The following PLB1 variants were observed in gnomAD, a reference collection of about 807,000 sequenced individuals.
The protein encoded by PLB1 is phospholipase B1, membrane-associated.
A neutral mutation model predicts 227.4 loss-of-function variants in PLB1; 242 were observed. The ratio of observed to expected loss-of-function variants is 1.06; its 90% CI spans 0.96 to 1.18. The LOEUF (loss-of-function observed/expected upper bound fraction) is 1.18. Ranked by LOEUF, PLB1 falls within the 50% of genes most tolerant of loss-of-function variation. The pLI, the probability that PLB1 is intolerant of heterozygous loss-of-function variation, is 0.00. For missense variants in PLB1, 1,858 were observed against 1,816.3 expected (o/e 1.02, Z -0.42); for synonymous variants, 757 against 682.2 (o/e 1.11, Z -1.71).
intron 1 of PLB1, among the ~76,000 whole-genome samples, chr2:28,507,428 C>T (rs552893554): frequency 1.3e-4 from 20 of 152,182 alleles, no homozygotes; most frequent in East Asian, 7.7e-4. Flanking sequence ...AATGAGGGTA[C>T]GACAGAGACA....
chr2:28,536,753 T>C (rs1305636204), intron 9 of PLB1, among the ~76,000 whole-genome samples: 1 of 152,178 alleles, frequency 6.6e-6, no homozygotes, highest in Non-Finnish European at 1.5e-5. Context: ...TGTATGACCT[T>C]ATAGAGGAGG....
Position 28,578,137 on chromosome 2 carries a change from G to A in PLB1, c.1464G>A (p.Val488=), listed in dbSNP as rs1365714404. The A allele has an allele frequency of 1.9e-6, 3 of 1,614,160 alleles. No homozygotes were observed. The highest frequency in any genetic ancestry group is 1.1e-5 in the South Asian group (1 of 91,070). Residue 488 remains valine, a synonymous_variant, in exon 22 of 58, where the codon GTG becomes GTA. Coordinates refer to ENST00000327757, the MANE Select transcript of PLB1 (RefSeq NM_153021.5). ...TACCTGTCCAGGCCAGGAGGCTGGT[G>A]GACCTGATGAAGAATGACACGGTGG... ...EDLPVQARRL[V]DLMKNDTRIH...
chr2:28,513,646 C>T (rs1366247595), intron 1 of PLB1, among the ~76,000 whole-genome samples: 1 of 152,210 alleles, frequency 6.6e-6, no homozygotes, highest in South Asian at 2.1e-4. Context: ...TAATTTTGAA[C>T]AGACACTTGC....
At chr2:28,558,409 A>C (rs575340253) in intron 17 of PLB1, among the ~76,000 whole-genome samples, 1 of 152,334 alleles carries the variant, frequency 6.6e-6, no homozygotes, top group African/African-American at 2.4e-5. Flanking sequence ...TGTTATCACC[A>C]GAAGCTAAAA....
At chr2:28,609,720 C>G (rs1238691305) in intron 43 of PLB1, among the ~76,000 whole-genome samples, 1 of 121,948 alleles carries the variant, frequency 8.2e-6, no homozygotes, top group East Asian at 8.7e-4. Flanking sequence ...TCTTCCCAAA[C>G]TCTCTGTTCC....
At chr2:28,636,018 A>C (rs2338548) in intron 56 of PLB1, among the ~76,000 whole-genome samples, 1 of 53,956 alleles carries the variant, frequency 1.9e-5, no homozygotes, top group Admixed American at 2.4e-4. Flanking sequence ...TGTATGTATG[A>C]ATGTGTGTGT....
chr2:28,515,226 C>A (rs1380864923), intron 1 of PLB1, among the ~76,000 whole-genome samples: 2 of 152,256 alleles, frequency 1.3e-5, no homozygotes, highest in Admixed American at 6.5e-5. Context: ...TATTCCACTC[C>A]CCCTGGAGTG....
intron 1 of PLB1, among the ~76,000 whole-genome samples, chr2:28,515,350 T>TC (rs538527928): frequency 6.6e-6 from 1 of 152,066 alleles, no homozygotes; most frequent in Non-Finnish European, 1.5e-5. Context: ...TGCAGCCTCA[T>TC]CCCCCCTGCC....
chr2:28,572,015 C>A (rs186221507), intron 20 of PLB1, among the ~76,000 whole-genome samples: 15 of 152,260 alleles, frequency 9.9e-5, no homozygotes, highest in African/African-American at 3.6e-4. Context: ...ACTTGCCAAT[C>A]CTATATCTAA....
chr2:28,542,154 G>T (rs1292259309), intron 13 of PLB1, among the ~76,000 whole-genome samples: 6 of 147,430 alleles, frequency 4.1e-5, no homozygotes, highest in African/African-American at 1.5e-4. Context: ...AAAAAAGTGT[G>T]AAGAGTGTGG....
rs767165470 is a variant in PLB1 at position 28,617,792 on chromosome 2, G to A, written c.3256+5G>A. 1.2e-6 allele frequency: 2 copies of A among 1,612,958 alleles called. No individual in the cohort carries two copies. The highest frequency in any genetic ancestry group is 1.7e-5 in the Admixed American group (1 of 60,038). On this transcript the variant is annotated splice_donor_5th_base_variant and intron_variant, in intron 45 of 57. Coordinates refer to ENST00000327757, the MANE Select transcript of PLB1 (RefSeq NM_153021.5). ...CCAATAGTGTTCCAACCTCTGGTGAGTGAAAACATCATCATCTCCTTCAAT... is the reference window on the plus strand; with the variant it reads ...CCAATAGTGTTCCAACCTCTGGTGAATGAAAACATCATCATCTCCTTCAAT...
chr2:28,628,088 G>A (rs1300380110), intron 51 of PLB1, among the ~76,000 whole-genome samples: 1 of 152,220 alleles, frequency 6.6e-6, no homozygotes, highest in Non-Finnish European at 1.5e-5. Context: ...TGGTTCAGAG[G>A]AAGAGAACCT....
At chr2:28,541,163 C>G (rs1572856281) in intron 12 of PLB1, among the ~76,000 whole-genome samples, 3 of 137,318 alleles carry the variant, frequency 2.2e-5, no homozygotes, top group East Asian at 2.1e-4. Flanking sequence ...GACAGCGAGA[C>G]TCCGTCTCAA....
intron 43 of PLB1, among the ~76,000 whole-genome samples, chr2:28,610,160 T>G (rs1477019663): frequency 6.6e-6 from 1 of 152,144 alleles, no homozygotes; most frequent in African/African-American, 2.4e-5. Context: ...GTTTGTTACA[T>G]AAGTATACAT....
chr2:28,580,847 C>G (rs528619824), intron 23 of PLB1, among the ~76,000 whole-genome samples: 337 of 152,214 alleles, frequency 2.2e-3, no homozygotes, highest in African/African-American at 7.6e-3. Flanking sequence ...GAAAGGGGAC[C>G]AGCAGAGTGA....
At chr2:28,610,797 C>T (rs1010970472) in intron 43 of PLB1, among the ~76,000 whole-genome samples, 1 of 152,200 alleles carries the variant, frequency 6.6e-6, no homozygotes, top group African/African-American at 2.4e-5. Flanking sequence ...CATCAGGAGG[C>T]TGGCTGGGCT....
At chr2:28,602,584 T>C (rs1361038437) in intron 38 of PLB1, among the ~76,000 whole-genome samples, 1 of 152,242 alleles carries the variant, frequency 6.6e-6, no homozygotes, top group East Asian at 1.9e-4. Context: ...TCTTAGTCTT[T>C]ATTGTCCCAC....
chr2:28,636,025 GTGTA>G (rs1406200892), intron 56 of PLB1, among the ~76,000 whole-genome samples: 7 of 123,422 alleles, frequency 5.7e-5, no homozygotes, highest in African/African-American at 2.0e-4. Context: ...ATGAATGTGT[GTGTA>G]TGTGTGTGTG....
intron 43 of PLB1, among the ~76,000 whole-genome samples, chr2:28,608,097 G>T (rs1241232848): frequency 6.6e-6 from 1 of 152,188 alleles, no homozygotes; most frequent in East Asian, 1.9e-4. Flanking sequence ...CTCCCTTCTA[G>T]ACAGAGCCCA....
Sources: allele counts gnomAD v4.1 joint callset (sites outside exome capture counted in the v4.1 genomes callset), GRCh38; gene constraint gnomAD v4.1.1; transcripts MANE v1.5; gene names NCBI Gene and HGNC (gene_info 2026-07-23, HGNC 2026-07-21).